Variants in AGBL1 observed in about 807,000 individuals in gnomAD.
AGBL1 encodes cytosolic carboxypeptidase 4.
AGBL1 carries 130 observed loss-of-function variants against 118.9 expected under a neutral mutation model. The observed-to-expected ratio is 1.09, with a 90% CI of 0.95 to 1.26. The LOEUF (loss-of-function observed/expected upper bound fraction) is 1.26. Among genes scored for constraint, AGBL1 ranks in the 50% most tolerant of loss-of-function variants. The pLI, the probability that AGBL1 is intolerant of heterozygous loss-of-function variation, is 0.00. For missense variants in AGBL1, 1,584 were observed against 1,298.1 expected, an observed-to-expected ratio of 1.22 and a Z score of -3.38; for synonymous variants, 555 against 478.9, an observed-to-expected ratio of 1.16 and a Z score of -2.08.
chr15:86,605,920 A>C (rs898040580), intron 21 of AGBL1, among the ~76,000 whole-genome samples: 1 of 151,964 alleles, frequency 6.6e-6, no homozygotes, highest in Non-Finnish European at 1.5e-5. Flanking sequence ...TGAGGTCAGG[A>C]GTTCAAGACC....
chr15:86,097,669 T>G (rs1705879864), intron 1 of AGBL1, among the ~76,000 whole-genome samples: 1 of 152,164 alleles, frequency 6.6e-6, no homozygotes, highest in African/African-American at 2.4e-5. Flanking sequence ...TTCATTCTTT[T>G]TTATGGCTGA....
intron 22 of AGBL1, among the ~76,000 whole-genome samples, chr15:86,781,667 G>T (rs142610648): frequency 0.011 from 1,688 of 152,192 alleles, 10 homozygotes; most frequent in Non-Finnish European, 0.017. Flanking sequence ...TATCTGAGTC[G>T]TTTCATTGTA....
chr15:87,011,511 A>G (rs2081559721), intron 24 of AGBL1, among the ~76,000 whole-genome samples: 1 of 152,250 alleles, frequency 6.6e-6, no homozygotes, highest in Non-Finnish European at 1.5e-5. Flanking sequence ...GTAATTCTGT[A>G]TGTCACCAAA....
intron 17 of AGBL1, among the ~76,000 whole-genome samples, chr15:86,356,916 C>T (rs1484609128): frequency 6.6e-6 from 1 of 152,178 alleles, no homozygotes. Context: ...AACATACGTA[C>T]CAATTGATGC....
chr15:86,554,295 A>G (rs996198719), intron 20 of AGBL1, 66 bp from the exon 21 acceptor site: 3 of 1,349,028 alleles, frequency 2.2e-6, no homozygotes, highest in Non-Finnish European at 3.0e-6. Context: ...TTGAGAAGCT[A>G]TTTTTATGAT....
In AGBL1 at chr15:86,141,545, G is replaced by A. The variant is rs144838134; in HGVS notation, c.52-459G>A. ...ACATGCCTGTAGCCCCAGTTACTTG[G>A]CAGGCTGAGGCAGAAGAACTGCTTG... On this transcript the variant is annotated intron_variant, in intron 1 of 22. Transcript: ENST00000614907. 4.8e-4 allele frequency among the ~76,000 whole-genome samples: 73 copies of A among 152,278 alleles called. No homozygotes were observed. In the East Asian group the frequency reaches 0.013, roughly 28 times the overall value.
At position 86,281,503 on chromosome 15, in the gene AGBL1, G is replaced by T. The variant is rs117749628; in HGVS notation, c.2220+1720G>T. ...CATTGGGTAAGTGATCATGGATCTAGGACACTGTTCTTTTTGCTTGTTAGA... is the reference window on the plus strand; with the variant it reads ...CATTGGGTAAGTGATCATGGATCTATGACACTGTTCTTTTTGCTTGTTAGA... On this transcript the variant is annotated intron_variant, in intron 16 of 22. Transcript: ENST00000614907. 3.9e-3 allele frequency among the ~76,000 whole-genome samples: 589 copies of T among 152,332 alleles called. 2 individuals carry two copies. The highest frequency in any genetic ancestry group is 5.8e-3 in the Non-Finnish European group (393 of 68,028).
chr15:86,420,062 C>T (rs2081765205), intron 18 of AGBL1, among the ~76,000 whole-genome samples: 1 of 152,164 alleles, frequency 6.6e-6, no homozygotes, highest in Admixed American at 6.5e-5. Context: ...AACATTCCTG[C>T]CTGCTGGCTC....
intron 2 of AGBL1, among the ~76,000 whole-genome samples, chr15:86,142,878 G>C (rs2076982101): frequency 6.6e-6 from 1 of 152,196 alleles, no homozygotes; most frequent in Non-Finnish European, 1.5e-5. Flanking sequence ...TTCTCCCTCT[G>C]ATAAGGTGGT....
intron 17 of AGBL1, among the ~76,000 whole-genome samples, chr15:86,352,445 T>C (rs1030113898): frequency 6.6e-6 from 1 of 152,158 alleles, no homozygotes; most frequent in Non-Finnish European, 1.5e-5. Context: ...TTTCATGGTT[T>C]TGTATCTTTC....
intron 1 of AGBL1, among the ~76,000 whole-genome samples, chr15:86,081,703 T>G (rs536819357): frequency 6.6e-6 from 1 of 152,370 alleles, no homozygotes; most frequent in African/African-American, 2.4e-5. Flanking sequence ...AATTTCTGAA[T>G]AGTTGCATGG....
intron 22 of AGBL1, among the ~76,000 whole-genome samples, chr15:86,747,677 G>A (rs934254868): frequency 3.9e-5 from 6 of 151,972 alleles, no homozygotes; most frequent in African/African-American, 1.5e-4. Context: ...CCCTTCCTGT[G>A]TCCATGTGTT....
intron 1 of AGBL1, among the ~76,000 whole-genome samples, chr15:86,081,912 T>C (rs769212644): frequency 2.6e-5 from 4 of 152,190 alleles, no homozygotes; most frequent in Non-Finnish European, 4.4e-5. Flanking sequence ...TGATAATTGA[T>C]GTTTAGCATG....
At chr15:86,537,478 A>G (rs1402968759) in intron 19 of AGBL1, among the ~76,000 whole-genome samples, 2 of 152,200 alleles carry the variant, frequency 1.3e-5, no homozygotes, top group Admixed American at 6.5e-5. Context: ...GAACAGATTT[A>G]ACTCTTGAGG....
intron 17 of AGBL1, among the ~76,000 whole-genome samples, chr15:86,309,231 A>G (rs1333510640): frequency 6.6e-6 from 1 of 152,184 alleles, no homozygotes; most frequent in Non-Finnish European, 1.5e-5. Flanking sequence ...AGTGTATAGA[A>G]ACACTGCTGA....
intron 17 of AGBL1, chr15:86,317,025 G>A (rs12900523): frequency 0.041 from 6,199 of 152,318 alleles, 164 homozygotes; most frequent in South Asian, 0.074. Context: ...TTCCATGGCC[G>A]CCAGTCTAGC....
At chr15:86,362,646 A>G (rs1439211599) in intron 17 of AGBL1, among the ~76,000 whole-genome samples, 1 of 152,122 alleles carries the variant, frequency 6.6e-6, no homozygotes, top group African/African-American at 2.4e-5. Context: ...AAGTCTCCAT[A>G]GCTGAGACTG....
intron 22 of AGBL1, among the ~76,000 whole-genome samples, chr15:86,740,968 C>T (rs1425314091): frequency 3.3e-5 from 5 of 152,056 alleles, no homozygotes; most frequent in African/African-American, 1.2e-4. Flanking sequence ...TATACCTGCT[C>T]AACCTCCTCT....
At chr15:86,656,532 C>T (rs1224684898) in intron 21 of AGBL1, among the ~76,000 whole-genome samples, 1 of 152,092 alleles carries the variant, frequency 6.6e-6, no homozygotes, top group Non-Finnish European at 1.5e-5. Context: ...GTCTAGCAGG[C>T]CTCTGTGTAG....
Sources: gnomAD v4.1 joint callset for allele counts (sites outside exome capture counted in the v4.1 genomes callset) on GRCh38, gnomAD v4.1.1 for gene constraint, MANE v1.5 for transcripts, NCBI Gene and HGNC (gene_info 2026-07-23, HGNC 2026-07-21) for gene names.